Variants in PTPRD observed in about 807,000 individuals in gnomAD.
The protein encoded by PTPRD is protein tyrosine phosphatase receptor type D.
PTPRD carries 34 observed loss-of-function variants against 214.5 expected under a neutral mutation model. That is an observed-to-expected ratio of 0.16 (90% CI 0.12 to 0.21). The LOEUF (loss-of-function observed/expected upper bound fraction) is 0.21. Ranked by LOEUF, PTPRD falls within the 10% of genes least tolerant of loss-of-function variation. The pLI is 1.00. For missense variants in PTPRD, 2,545 were observed against 2,398.7 expected (o/e 1.06, Z -1.27); for synonymous variants, 1,128 against 845.7 (o/e 1.33, Z -5.79).
At chr9:9,348,924 TTTAA>T (rs2050001876) in intron 9 of PTPRD, among the ~76,000 whole-genome samples, 1 of 152,090 alleles carries the variant, frequency 6.6e-6, no homozygotes, top group Admixed American at 6.6e-5. Context: ...CTTCCTGTAT[TTTAA>T]TTAATTCAGG....
chr9:8,874,244 A>G (rs747133064), intron 11 of PTPRD, among the ~76,000 whole-genome samples: 3 of 152,170 alleles, frequency 2.0e-5, no homozygotes, highest in Non-Finnish European at 4.4e-5. Context: ...GACTCTGCCA[A>G]ATATGCACCC....
At chr9:10,422,788 TA>T (rs1313313948) in intron 2 of PTPRD, among the ~76,000 whole-genome samples, 3 of 152,002 alleles carry the variant, frequency 2.0e-5, no homozygotes, top group Non-Finnish European at 2.9e-5. Context: ...TGGCGATCAT[TA>T]AAAAGTCAGG....
chr9:9,837,945 A>C (rs1418029859), intron 5 of PTPRD, among the ~76,000 whole-genome samples: 1 of 151,932 alleles, frequency 6.6e-6, no homozygotes, highest in African/African-American at 2.4e-5. Flanking sequence ...CAGTCCCCAG[A>C]GTATGATGTT....
chr9:10,498,337 A>C (rs187519065), intron 2 of PTPRD, among the ~76,000 whole-genome samples: 16 of 152,114 alleles, frequency 1.1e-4, no homozygotes, highest in Non-Finnish European at 2.1e-4. Flanking sequence ...AAATAATCTG[A>C]ATTTATAATT....
At chr9:9,499,027 C>G (rs2096301840) in intron 8 of PTPRD, among the ~76,000 whole-genome samples, 1 of 151,814 alleles carries the variant, frequency 6.6e-6, no homozygotes, top group African/African-American at 2.4e-5. Flanking sequence ...TCTCTGTCAG[C>G]TCAAAAGAGT....
intron 3 of PTPRD, among the ~76,000 whole-genome samples, chr9:10,246,038 C>T (rs2092027600): frequency 6.6e-6 from 1 of 151,922 alleles, no homozygotes; most frequent in African/African-American, 2.4e-5. Flanking sequence ...TTCCTTTGGC[C>T]TCCCAAGAAT....
At chr9:8,474,593 T>A (rs939234344) in intron 30 of PTPRD, among the ~76,000 whole-genome samples, 1 of 152,180 alleles carries the variant, frequency 6.6e-6, no homozygotes, top group East Asian at 1.9e-4. Flanking sequence ...GGCCTGGCAA[T>A]CTTACCACTA....
intron 14 of PTPRD, among the ~76,000 whole-genome samples, chr9:8,552,529 G>A (rs575196558): frequency 6.6e-6 from 1 of 152,246 alleles, no homozygotes; most frequent in South Asian, 2.1e-4. Flanking sequence ...TGAAGAAGCA[G>A]CCCTGGGAGA....
At chr9:8,930,391 T>C (rs1027883399) in intron 11 of PTPRD, among the ~76,000 whole-genome samples, 3 of 152,144 alleles carry the variant, frequency 2.0e-5, no homozygotes, top group African/African-American at 7.2e-5. Flanking sequence ...TTCCAAGTCT[T>C]TGCTATTGTG....
At chr9:8,457,790 C>CAATAAT (rs373373460) in intron 33 of PTPRD, among the ~76,000 whole-genome samples, 1 of 151,644 alleles carries the variant, frequency 6.6e-6, no homozygotes, top group African/African-American at 2.4e-5. Flanking sequence ...AATATTCTGA[C>CAATAAT]AATAATAATA....
At chr9:9,042,026 A>G (rs2099641475) in intron 10 of PTPRD, among the ~76,000 whole-genome samples, 1 of 152,182 alleles carries the variant, frequency 6.6e-6, no homozygotes, top group Admixed American at 6.5e-5. Context: ...CTTGAGCATG[A>G]AAAGGAGTTT....
intron 11 of PTPRD, among the ~76,000 whole-genome samples, chr9:8,994,113 A>G (rs139946599): frequency 2.3e-3 from 348 of 152,228 alleles, no homozygotes; most frequent in South Asian, 9.7e-3. Context: ...AACTAGATGG[A>G]GAGGGAGTTC....
chr9:9,283,979 G>A lies in PTPRD; in HGVS notation c.-202-100616C>T, dbSNP rs140808757. Among the ~76,000 whole-genome samples, 476 of 151,650 alleles carry A rather than the reference G, an allele frequency of 3.1e-3. 1 individual carries two copies. Among genetic ancestry groups the A allele is most frequent in the African/African-American group, 0.011 (441 of 41,456 alleles). On this transcript the variant is annotated intron_variant, in intron 9 of 45. Transcript: ENST00000381196. ...TCATAAACAACCAGGTTTTGCATCT[G>A]GAAAAATAACTCAACCACGTTATAA... is the stretch of plus-strand genomic sequence containing the variant.
At chr9:8,467,164 G>A (rs1045241995) in intron 31 of PTPRD, among the ~76,000 whole-genome samples, 3 of 151,754 alleles carry the variant, frequency 2.0e-5, no homozygotes, top group African/African-American at 7.3e-5. Flanking sequence ...GTTTATTGAT[G>A]CAATTAAAAT....
rs35311745 is a variant in PTPRD at position 10,612,208 on chromosome 9, CAAAAA to C, written c.-600+185_-600+189del. 5.5e-5 allele frequency among the ~76,000 whole-genome samples: 7 copies of C among 126,744 alleles called. No homozygotes were observed. The East Asian group carries it at 9.1e-4, about 17-fold the overall frequency. 83.1% of individuals were successfully genotyped at this position (126,744 alleles called of 152,430 possible). A position where few individuals can be genotyped will look rare whatever the true frequency, so the allele number is the denominator to read the frequency against. Reference sequence around the variant, plus strand: ...TATCGAAGTCTTCTAAGGGCTCTTCCAAAAAAAAAAAAAAAAGAAAAAAATGCTTA... The same window carrying C: ...TATCGAAGTCTTCTAAGGGCTCTTCCAAAAAAAAAAAGAAAAAAATGCTTA... On this transcript the variant is annotated intron_variant, in intron 2 of 45. Transcript: ENST00000381196.
At chr9:8,763,844 A>G (rs868826953) in intron 11 of PTPRD, among the ~76,000 whole-genome samples, 19 of 152,206 alleles carry the variant, frequency 1.2e-4, no homozygotes, top group African/African-American at 4.6e-4. Flanking sequence ...TACACACTTC[A>G]TAAAAAGCCA....
At chr9:9,921,717 G>C (rs1018209282) in intron 5 of PTPRD, among the ~76,000 whole-genome samples, 2 of 147,666 alleles carry the variant, frequency 1.4e-5, no homozygotes, top group African/African-American at 2.5e-5. Flanking sequence ...GACAAATTAT[G>C]GGAAAATAAT....
chr9:8,950,537 G>A (rs772220305), intron 11 of PTPRD, among the ~76,000 whole-genome samples: 1 of 151,242 alleles, frequency 6.6e-6, no homozygotes, highest in Non-Finnish European at 1.5e-5. Flanking sequence ...GGTTAAGAAG[G>A]TTTCTCAAAT....
At chr9:9,835,001 C>T (rs993935731) in intron 5 of PTPRD, among the ~76,000 whole-genome samples, 1 of 151,770 alleles carries the variant, frequency 6.6e-6, no homozygotes, top group African/African-American at 2.4e-5. Context: ...CAAGAGAGTA[C>T]TTCTACCACC....
Sources: gnomAD v4.1 joint callset for allele counts (sites outside exome capture counted in the v4.1 genomes callset) on GRCh38, gnomAD v4.1.1 for gene constraint, MANE v1.5 for transcripts, NCBI Gene and HGNC (gene_info 2026-07-23, HGNC 2026-07-21) for gene names.